Variants in TENM3 observed in about 807,000 individuals in gnomAD.
The protein encoded by TENM3 is teneurin transmembrane protein 3.
In TENM3, 63 loss-of-function variants were observed where a neutral mutation model predicts 255.1. The ratio of observed to expected loss-of-function variants is 0.25; its 90% CI spans 0.20 to 0.30. TENM3 has a LOEUF of 0.30. TENM3 is among the 10% of genes least tolerant of loss of function. The probability of loss-of-function intolerance (pLI) is 1.00; values close to 1 mark genes in which losing one functional copy is unlikely to be tolerated. For synonymous variants in TENM3, 1,306 were observed against 1,322.3 expected (o/e 0.99, Z 0.27); for missense variants, 2,929 against 3,461.1 (o/e 0.85, Z 3.86).
intron 1 of TENM3, among the ~76,000 whole-genome samples, chr4:182,270,545 G>A (rs1358872242): frequency 6.6e-6 from 1 of 152,162 alleles, no homozygotes; most frequent in Non-Finnish European, 1.5e-5. Flanking sequence ...TTCCAGTCTT[G>A]ATCTGGAATT....
chr4:182,128,367 C>T, the TENM3 span, among the ~76,000 whole-genome samples: 2,411 of 151,560 alleles, frequency 0.016, 54 homozygotes, highest in African/African-American at 0.055. Context: ...TTTTAAGAGA[C>T]GGGTCTTGCT....
At chr4:182,151,264 G>T (rs1291973445) in intron 1 of TENM3, among the ~76,000 whole-genome samples, 3 of 152,102 alleles carry the variant, frequency 2.0e-5, no homozygotes, top group Non-Finnish European at 2.9e-5. Context: ...GGAGAAATGT[G>T]TGAACCATGT....
chr4:182,793,022 T>C lies in TENM3; in HGVS notation c.6350T>C (p.Ile2117Thr). The C allele has an allele frequency of 2.5e-6, 4 of 1,613,730 alleles. No homozygotes were observed. Among genetic ancestry groups the C allele is most frequent in the Non-Finnish European group, 3.4e-6 (4 of 1,179,856 alleles). ...DNMGRVTKRE[I>T]KIGPFANTTK... ...ATGGGTCGGGTAACCAAGAGAGAGA[T>C]TAAAATAGGGCCCTTTGCCAACACC... The change falls in exon 26 of 28, where the codon ATT (isoleucine) becomes ACT (threonine). Residue 2117 changes from isoleucine to threonine, a missense_variant. Ile to Thr is a moderately conservative substitution (Grantham distance 89, BLOSUM62 -1). Transcript: ENST00000511685. The surrounding 1 kb of genome is among the most constrained non-coding windows in gnomAD (Gnocchi z 5.7).
At chr4:181,487,575 C>G in the TENM3 span, among the ~76,000 whole-genome samples, 1 of 152,096 alleles carries the variant, frequency 6.6e-6, no homozygotes, top group Non-Finnish European at 1.5e-5. Flanking sequence ...CTCAAGGAGG[C>G]TCTGCCCTCA....
chr4:181,816,596 C>T, the TENM3 span, among the ~76,000 whole-genome samples: 1 of 152,152 alleles, frequency 6.6e-6, no homozygotes, highest in Admixed American at 6.5e-5. Flanking sequence ...TGAAGGCACC[C>T]ACAACATTAC....
At chr4:182,483,656 T>C (rs1445786290) in intron 3 of TENM3, among the ~76,000 whole-genome samples, 3 of 152,148 alleles carry the variant, frequency 2.0e-5, no homozygotes, top group Non-Finnish European at 2.9e-5. Context: ...TATTAGTCTG[T>C]TCTCACATTG....
At chr4:181,528,609 T>A in the TENM3 span, among the ~76,000 whole-genome samples, 1 of 152,212 alleles carries the variant, frequency 6.6e-6, no homozygotes, top group Non-Finnish European at 1.5e-5. Flanking sequence ...CTCATAACAA[T>A]CCTACGAGGT....
chr4:182,489,695 A>G (rs771775893), intron 3 of TENM3, among the ~76,000 whole-genome samples: 1 of 152,154 alleles, frequency 6.6e-6, no homozygotes, highest in Non-Finnish European at 1.5e-5. Context: ...AGTAAAGCTA[A>G]CAGTATGTGC....
intron 16 of TENM3, among the ~76,000 whole-genome samples, chr4:182,733,940 C>T (rs1760972816): frequency 3.3e-5 from 5 of 152,178 alleles, no homozygotes; most frequent in Admixed American, 3.3e-4. Context: ...AGATAGTCAA[C>T]AATTCCATGA....
the TENM3 span, among the ~76,000 whole-genome samples, chr4:182,003,877 A>T: frequency 1.3e-5 from 2 of 152,222 alleles, no homozygotes; most frequent in East Asian, 3.9e-4. Context: ...TATTGTCAAT[A>T]TATCATATAA....
At chr4:181,745,702 A>G in the TENM3 span, among the ~76,000 whole-genome samples, 2 of 152,166 alleles carry the variant, frequency 1.3e-5, no homozygotes, top group Non-Finnish European at 2.9e-5. Context: ...AATGCTATGT[A>G]CAAGGTCATC....
At chr4:181,706,786 G>A in the TENM3 span, among the ~76,000 whole-genome samples, 1 of 152,156 alleles carries the variant, frequency 6.6e-6, no homozygotes, top group Non-Finnish European at 1.5e-5. Flanking sequence ...GAAGTAATAG[G>A]GGAGAAATGA....
chr4:182,790,347 C>T (rs978002008), intron 25 of TENM3, among the ~76,000 whole-genome samples: 2 of 152,172 alleles, frequency 1.3e-5, no homozygotes, highest in Admixed American at 1.3e-4. Flanking sequence ...CCAAAGAAAT[C>T]ACATCACATC....
chr4:182,338,634 T>C (rs1441305874), intron 2 of TENM3, among the ~76,000 whole-genome samples: 1 of 152,238 alleles, frequency 6.6e-6, no homozygotes, highest in Non-Finnish European at 1.5e-5. Flanking sequence ...AATTTTAGAA[T>C]GTCACTGGTA....
At chr4:181,878,332 G>A in the TENM3 span, among the ~76,000 whole-genome samples, 1 of 151,990 alleles carries the variant, frequency 6.6e-6, no homozygotes, top group Non-Finnish European at 1.5e-5. Context: ...GAGGGGGCAG[G>A]AAAAGGAAGG....
the TENM3 span, among the ~76,000 whole-genome samples, chr4:181,467,690 G>C: frequency 1.3e-5 from 2 of 152,066 alleles, no homozygotes; most frequent in Non-Finnish European, 2.9e-5. Flanking sequence ...TGTAACTCTG[G>C]TGCCTGAGTC....
chr4:182,302,754 C>A, intron 1 of TENM3, among the ~76,000 whole-genome samples: 1 of 152,134 alleles, frequency 6.6e-6, no homozygotes, highest in East Asian at 1.9e-4. Flanking sequence ...ATCTGACAGT[C>A]ATTTTTCCTT....
chr4:181,676,052 T>C, the TENM3 span, among the ~76,000 whole-genome samples: 1 of 151,776 alleles, frequency 6.6e-6, no homozygotes, highest in Admixed American at 6.6e-5. Context: ...TGAGCACTCT[T>C]AAAGTGTTAT....
the TENM3 span, among the ~76,000 whole-genome samples, chr4:181,927,030 T>A: frequency 6.6e-6 from 1 of 152,070 alleles, no homozygotes; most frequent in African/African-American, 2.4e-5. Context: ...ACCAGGAGAT[T>A]CCCTTGGGTG....
Sources: gnomAD v4.1 joint callset for allele counts (sites outside exome capture counted in the v4.1 genomes callset) on GRCh38, gnomAD v4.1.1 for gene constraint, Gnocchi (gnomAD v3.1) non-coding constraint, MANE v1.5 for transcripts, NCBI Gene and HGNC (gene_info 2026-07-23, HGNC 2026-07-21) for gene names.